Variants in TSPAN15 observed in about 807,000 individuals in gnomAD.
TSPAN15 encodes tetraspanin 15.
In TSPAN15, 20 loss-of-function variants were observed where a neutral mutation model predicts 34.5. That is an observed-to-expected ratio of 0.58 (90% CI 0.41 to 0.84). TSPAN15 has a LOEUF of 0.84. Ranked by LOEUF, TSPAN15 falls within the 40% of genes least tolerant of loss-of-function variation. The pLI, the probability that TSPAN15 is intolerant of heterozygous loss-of-function variation, is 0.00. For synonymous variants in TSPAN15, 155 were observed against 153.9 expected (o/e 1.01, Z -0.05); for missense variants, 313 against 386.1 (o/e 0.81, Z 1.59).
At chr10:69,501,246 C>T (rs751510137) in intron 5 of TSPAN15, among the ~76,000 whole-genome samples, 14 of 152,216 alleles carry the variant, frequency 9.2e-5, no homozygotes, top group Non-Finnish European at 1.5e-4. Context: ...GTTCTGGGAA[C>T]GACTAGGCAA....
chr10:69,546,253 CAG>C, the TSPAN15 span, among the ~76,000 whole-genome samples: 1 of 152,204 alleles, frequency 6.6e-6, no homozygotes, highest in Admixed American at 6.5e-5. Flanking sequence ...TATGCACAAA[CAG>C]AGAGCCTGCG....
chr10:69,512,163 T>C (rs1218161312), downstream of TSPAN15, among the ~76,000 whole-genome samples: 1 of 152,230 alleles, frequency 6.6e-6, no homozygotes, highest in Non-Finnish European at 1.5e-5. Flanking sequence ...TCCCTGGCCA[T>C]GACACCCTTT....
chr10:69,540,178 G>A, the TSPAN15 span, among the ~76,000 whole-genome samples: 1 of 152,010 alleles, frequency 6.6e-6, no homozygotes, highest in African/African-American at 2.4e-5. Flanking sequence ...GGATCATGAG[G>A]TCAGGAGATC....
At chr10:69,517,940 C>T in the TSPAN15 span, among the ~76,000 whole-genome samples, 68 of 152,330 alleles carry the variant, frequency 4.5e-4, no homozygotes, top group African/African-American at 1.6e-3. Flanking sequence ...TTGCGTCTTA[C>T]GATCACTGTA....
intron 1 of TSPAN15, among the ~76,000 whole-genome samples, chr10:69,468,906 A>G (rs1841446141): frequency 6.6e-6 from 1 of 152,162 alleles, no homozygotes; most frequent in Non-Finnish European, 1.5e-5. Context: ...AACCCTTGGA[A>G]TTTCCTGATA....
At chr10:69,529,085 T>C in the TSPAN15 span, among the ~76,000 whole-genome samples, 2 of 148,150 alleles carry the variant, frequency 1.3e-5, no homozygotes, top group African/African-American at 2.5e-5. Context: ...TTCTCCAAGA[T>C]TGGAGTGGGT....
chr10:69,509,333 CTTGGT>C (rs1318736850), downstream of TSPAN15, among the ~76,000 whole-genome samples: 1 of 152,188 alleles, frequency 6.6e-6, no homozygotes, highest in Admixed American at 6.5e-5. Flanking sequence ...TTTTCCAAAC[CTTGGT>C]CACTCACCTC....
intron 1 of TSPAN15, among the ~76,000 whole-genome samples, chr10:69,477,822 T>C (rs1474840000): frequency 6.6e-6 from 1 of 152,180 alleles, no homozygotes; most frequent in East Asian, 1.9e-4. Flanking sequence ...TCATGGGTTC[T>C]GTGCTGCTTA....
chr10:69,521,280 C>T, the TSPAN15 span, among the ~76,000 whole-genome samples: 6 of 150,950 alleles, frequency 4.0e-5, no homozygotes, highest in Non-Finnish European at 8.8e-5. Flanking sequence ...GAGGCTGAGG[C>T]AGGCAGATCA....
the TSPAN15 span, among the ~76,000 whole-genome samples, chr10:69,516,423 C>T: frequency 6.6e-6 from 1 of 152,218 alleles, no homozygotes; most frequent in East Asian, 1.9e-4. Context: ...CCAGCAGTGC[C>T]TCCACCTGGG....
At chr10:69,470,420 C>T (rs1382471305) in intron 1 of TSPAN15, among the ~76,000 whole-genome samples, 2 of 152,176 alleles carry the variant, frequency 1.3e-5, no homozygotes, top group Non-Finnish European at 2.9e-5. Flanking sequence ...TGAGACTCCC[C>T]TGCTTAAATT....
At chr10:69,526,034 C>G in the TSPAN15 span, among the ~76,000 whole-genome samples, 2 of 146,142 alleles carry the variant, frequency 1.4e-5, no homozygotes, top group African/African-American at 2.5e-5. Flanking sequence ...CAAACTTTAT[C>G]TTCTATAAAA....
intron 1 of TSPAN15, among the ~76,000 whole-genome samples, chr10:69,454,091 T>C (rs1841031591): frequency 6.6e-6 from 1 of 152,218 alleles, no homozygotes; most frequent in Non-Finnish European, 1.5e-5. Flanking sequence ...GTGCCATCTC[T>C]GGGGTTGAGG....
chr10:69,460,145 A>C (rs1304949717), intron 1 of TSPAN15, among the ~76,000 whole-genome samples: 1 of 151,884 alleles, frequency 6.6e-6, no homozygotes, highest in Non-Finnish European at 1.5e-5. Context: ...ACAGATGGCT[A>C]TGGAACCAAC....
the TSPAN15 span, among the ~76,000 whole-genome samples, chr10:69,541,435 C>A: frequency 6.6e-6 from 1 of 152,132 alleles, no homozygotes; most frequent in African/African-American, 2.4e-5. Context: ...AGAAATTGGC[C>A]AAAACAAAGG....
At chr10:69,455,625 T>TCCCTC (rs1554830572) in intron 1 of TSPAN15, among the ~76,000 whole-genome samples, 9 of 82,894 alleles carry the variant, frequency 1.1e-4, no homozygotes, top group African/African-American at 4.4e-4. Flanking sequence ...TCTCTCTCTC[T>TCCCTC]CCCCCCCCCG....
intron 3 of TSPAN15, among the ~76,000 whole-genome samples, chr10:69,493,720 C>A (rs915884102): frequency 2.0e-5 from 3 of 152,220 alleles, no homozygotes; most frequent in Non-Finnish European, 4.4e-5. Flanking sequence ...GATCCGCCTG[C>A]CTTGGCCTCC....
the TSPAN15 span, among the ~76,000 whole-genome samples, chr10:69,544,995 G>C: frequency 6.6e-6 from 1 of 152,208 alleles, no homozygotes; most frequent in African/African-American, 2.4e-5. Flanking sequence ...CCCTAGCTCC[G>C]AAGAGAGCAA....
chr10:69,524,559 A>T, the TSPAN15 span, among the ~76,000 whole-genome samples: 3 of 147,348 alleles, frequency 2.0e-5, 1 homozygote, highest in Non-Finnish European at 4.5e-5. Flanking sequence ...AAACAGCCAT[A>T]AGCCTGCATG....
Sources: gnomAD v4.1 joint callset for allele counts (sites outside exome capture counted in the v4.1 genomes callset) on GRCh38, gnomAD v4.1.1 for gene constraint, MANE v1.5 for transcripts, NCBI Gene and HGNC (gene_info 2026-07-23, HGNC 2026-07-21) for gene names.